TP53INP1: variants seen among roughly 807,000 people sequenced by gnomAD.
TP53INP1 encodes tumor protein p53 inducible nuclear protein 1.
A neutral mutation model predicts 21.0 loss-of-function variants in TP53INP1; 12 were observed. That is an observed-to-expected ratio of 0.57 (90% CI 0.37 to 0.93). TP53INP1 has a LOEUF of 0.93. TP53INP1 is among the 40% of genes least tolerant of loss of function. The probability of loss-of-function intolerance (pLI) is 0.01; values close to 1 mark genes in which losing one functional copy is unlikely to be tolerated. For synonymous variants in TP53INP1, 91 were observed against 94.8 expected (o/e 0.96, Z 0.23); for missense variants, 274 against 294.7 (o/e 0.93, Z 0.51).
chr8:94,949,102 G>C (rs1389864029), intron 1 of TP53INP1, 52 bp downstream of exon 1: 1 of 148,074 alleles, frequency 6.8e-6, no homozygotes, highest in Non-Finnish European at 1.5e-5. Context: ...GGCCCCAACC[G>C]GCAGCGAGGC....
At chr8:94,942,100 G>A (rs562825916) in intron 1 of TP53INP1, among the ~76,000 whole-genome samples, 63 of 151,460 alleles carry the variant, frequency 4.2e-4, no homozygotes, top group Non-Finnish European at 7.1e-4. Context: ...GCAGTGAGGC[G>A]ATCTTGGCTC....
chr8:94,934,953 G>T (rs1397173823), intron 3 of TP53INP1, among the ~76,000 whole-genome samples: 1 of 151,924 alleles, frequency 6.6e-6, no homozygotes, highest in African/African-American at 2.4e-5. Flanking sequence ...TTTCATTTTG[G>T]TACAAGCAAA....
At chr8:94,948,832 G>A (rs944033641) in intron 1 of TP53INP1, among the ~76,000 whole-genome samples, 4 of 152,176 alleles carry the variant, frequency 2.6e-5, no homozygotes, top group Middle Eastern at 3.4e-3. Context: ...CCACGCTCGG[G>A]GGAGGAGGCA....
chr8:94,943,392 C>T (rs1008823334), intron 1 of TP53INP1, among the ~76,000 whole-genome samples: 18 of 152,074 alleles, frequency 1.2e-4, no homozygotes, highest in African/African-American at 3.4e-4. Flanking sequence ...GGGAGGCTGA[C>T]GTGGGAGGAT....
intron 3 of TP53INP1, among the ~76,000 whole-genome samples, chr8:94,931,477 CTA>C (rs67638412): frequency 0.012 from 1,796 of 152,196 alleles, 22 homozygotes; most frequent in Non-Finnish European, 0.016. Flanking sequence ...TTGCTGTAAA[CTA>C]TGTCAACACG....
intron 3 of TP53INP1, among the ~76,000 whole-genome samples, chr8:94,935,124 TAGATATAGATAG>T: frequency 8.7e-6 from 1 of 115,222 alleles, no homozygotes; most frequent in African/African-American, 3.4e-5. Context: ...CATAGGTAGA[TAGATATAGATAG>T]ATAGATAGAT....
chr8:94,942,619 G>C (rs1034557445), intron 1 of TP53INP1, among the ~76,000 whole-genome samples: 4 of 152,230 alleles, frequency 2.6e-5, no homozygotes, highest in African/African-American at 9.6e-5. Flanking sequence ...TATGCATCAG[G>C]TGCAGTGCTG....
rs566997155 is a variant in TP53INP1, at chr8:94,927,898, A to G, written c.*2581T>C. The G allele has an allele frequency of 1.4e-4, 14 of 100,112 alleles. No homozygotes were observed. The highest frequency in any genetic ancestry group is 4.4e-4 in the African/African-American group (14 of 31,926). 6.2% of individuals were successfully genotyped at this position (100,112 alleles called of 1,614,324 possible). ...TGTCTAAAGCGCATTGTAAACCACTAATATTTACAATAGCAAAAAAAAAAG... is the reference window on the plus strand; with the variant it reads ...TGTCTAAAGCGCATTGTAAACCACTGATATTTACAATAGCAAAAAAAAAAG... On this transcript the variant is annotated 3_prime_UTR_variant, in exon 4 of 4. Coordinates refer to ENST00000342697, the MANE Select transcript of TP53INP1 (RefSeq NM_033285.4).
intron 3 of TP53INP1, among the ~76,000 whole-genome samples, chr8:94,935,176 T>TAG (rs1563725845): frequency 8.2e-4 from 66 of 80,944 alleles, no homozygotes; most frequent in African/African-American, 2.7e-3. Context: ...TAGATAGATA[T>TAG]AATACAATAC....
At chr8:94,946,426 C>T (rs754351984) in intron 1 of TP53INP1, among the ~76,000 whole-genome samples, 2 of 151,776 alleles carry the variant, frequency 1.3e-5, no homozygotes, top group East Asian at 1.9e-4. Flanking sequence ...TGAGGCTGGG[C>T]GCAGTGGCTC....
chr8:94,938,695 G>A (rs1231123300), intron 3 of TP53INP1, among the ~76,000 whole-genome samples: 1 of 152,266 alleles, frequency 6.6e-6, no homozygotes, highest in African/African-American at 2.4e-5. Context: ...AGCTGAACAT[G>A]TGGAGGTTCC....
intron 3 of TP53INP1, among the ~76,000 whole-genome samples, chr8:94,935,089 CGGT>C (rs974015927): frequency 5.3e-5 from 8 of 149,954 alleles, no homozygotes; most frequent in South Asian, 2.1e-4. Context: ...AAACAGGAAA[CGGT>C]AGGTAGGTAG....
chr8:94,940,706 C>A, intron 2 of TP53INP1, 124 bp downstream of exon 2: 2 of 675,126 alleles, frequency 3.0e-6, no homozygotes, highest in Non-Finnish European at 4.9e-6. Context: ...TTTTTAAAGA[C>A]AAACTCCTGC....
In TP53INP1 at chr8:94,927,286, G is replaced by A. The variant is rs1819981030; in HGVS notation, c.*3193C>T. ...ATAATATATAATGTATTTCATTGAG[G>A]AGGAAGAGAAGTAGCAAGGATTTCA... On this transcript the variant is annotated 3_prime_UTR_variant, in exon 4 of 4. Transcript: ENST00000342697. 6.6e-6 allele frequency: 1 copy of A among 152,468 alleles called. No individual in the cohort carries two copies. The highest frequency in any genetic ancestry group is 2.4e-5 in the African/African-American group (1 of 41,424). The allele number at this position is 152,468 out of a possible 1,614,324, so 9.4% of individuals were successfully genotyped here. A position where few individuals can be genotyped will look rare whatever the true frequency, so the allele number is the denominator to read the frequency against.
chr8:94,930,606 C>G lies in TP53INP1; in HGVS notation c.596G>C (p.Ser199Thr). The G allele has an allele frequency of 6.2e-7, 1 of 1,614,234 alleles. No individual in the cohort carries two copies. Among genetic ancestry groups the G allele is most frequent in the East Asian group, 2.2e-5 (1 of 44,894 alleles). Reference protein sequence around the residue: ...FRPSQWIKEHSERQPLNRNSL... With the variant: ...FRPSQWIKEHTERQPLNRNSL... ...ATTTCTGTTAAGAGGCTGTCTTTCA[C>G]TGTGTTCTTTTATCCACTGGGAAGG... Residue 199 changes from serine to threonine, a missense_variant, in exon 4 of 4, where the codon AGT (serine) becomes ACT (threonine). Physicochemically the swap from Ser to Thr is moderately conservative, Grantham distance 58. Transcript: ENST00000342697.
chr8:94,940,818 A>C lies in TP53INP1; in HGVS notation c.112+12T>G, dbSNP rs762145093. 1 of 1,595,666 alleles carries C rather than the reference A, an allele frequency of 6.3e-7. No homozygotes were observed. On this transcript the variant is annotated intron_variant, in intron 2 of 3. Transcript: ENST00000342697. ...GTGAAGATGAACCACCAAGTAACCA[A>C]GTGTACCTTACCTATGAAGTCAACA...
chr8:94,933,395 A>G (rs1820623115), intron 3 of TP53INP1, among the ~76,000 whole-genome samples: 1 of 152,166 alleles, frequency 6.6e-6, no homozygotes, highest in African/African-American at 2.4e-5. Context: ...GAAGGAAGGA[A>G]GAAGAAGGAA....
Position 94,930,868 on chromosome 8 carries a change from A to G in TP53INP1, c.474-140T>C, listed in dbSNP as rs778459251. On this transcript the variant is annotated intron_variant, in intron 3 of 3. Coordinates refer to ENST00000342697, the MANE Select transcript of TP53INP1 (RefSeq NM_033285.4). ...GCTTGTGTTTCATGGCTGACAGACAAGTTTATTATTCTGTGACCCCACTGA... is the reference window on the plus strand; with the variant it reads ...GCTTGTGTTTCATGGCTGACAGACAGGTTTATTATTCTGTGACCCCACTGA... 2.3e-4 allele frequency: 232 copies of G among 1,024,362 alleles called. 2 individuals are homozygous for G. In the Admixed American group the frequency reaches 2.5e-3, roughly 11 times the overall value. 63.5% of individuals were successfully genotyped at this position (1,024,362 alleles called of 1,614,324 possible). A position where few individuals can be genotyped will look rare whatever the true frequency, so the allele number is the denominator to read the frequency against.
chr8:94,948,857 A>C (rs1156588337), intron 1 of TP53INP1, among the ~76,000 whole-genome samples: 2 of 151,932 alleles, frequency 1.3e-5, no homozygotes, highest in African/African-American at 2.4e-5. Flanking sequence ...CCAAACTCCC[A>C]ACCGCCGCCC....
Sources: gnomAD v4.1 joint callset for allele counts (sites outside exome capture counted in the v4.1 genomes callset) on GRCh38, gnomAD v4.1.1 for gene constraint, MANE v1.5 for transcripts, NCBI Gene and HGNC (gene_info 2026-07-23, HGNC 2026-07-21) for gene names.